RALGAPA2: variants seen among roughly 807,000 people sequenced by gnomAD.
The protein encoded by RALGAPA2 is ral GTPase-activating protein subunit alpha-2.
In RALGAPA2, 139 loss-of-function variants were observed where a neutral mutation model predicts 230.4. The ratio of observed to expected loss-of-function variants is 0.60; its 90% CI spans 0.53 to 0.69. The LOEUF (loss-of-function observed/expected upper bound fraction) is 0.69, where lower values mean the gene tolerates loss of function less well. RALGAPA2 is among the 30% of genes least tolerant of loss of function. RALGAPA2 has a pLI of 0.00. For missense variants in RALGAPA2, 2,163 were observed against 2,276.0 expected (o/e 0.95, Z 1.01); for synonymous variants, 847 against 837.8 (o/e 1.01, Z -0.19).
intron 31 of RALGAPA2, among the ~76,000 whole-genome samples, chr20:20,516,329 C>T (rs1023113596): frequency 6.6e-6 from 1 of 152,190 alleles, no homozygotes; most frequent in African/African-American, 2.4e-5. Context: ...CAGATTACTT[C>T]CCCTAGGCAA....
chr20:20,577,483 G>A (rs944114873), intron 20 of RALGAPA2, among the ~76,000 whole-genome samples: 2 of 152,144 alleles, frequency 1.3e-5, no homozygotes, highest in Non-Finnish European at 2.9e-5. Context: ...CTCAACTCAG[G>A]AGACACATCA....
At chr20:20,672,921 C>T (rs144647983) in intron 3 of RALGAPA2, among the ~76,000 whole-genome samples, 216 of 152,256 alleles carry the variant, frequency 1.4e-3, no homozygotes, top group Middle Eastern at 3.4e-3. Flanking sequence ...CAGTAGCTCA[C>T]GCCTTGTAAT....
In RALGAPA2 at chr20:20,511,279, G is replaced by T. The variant is rs749548399; in HGVS notation, c.4903C>A (p.Leu1635Met). Residue 1635 changes from leucine (L) to methionine (M), a missense_variant, in exon 33 of 40, where the codon CTG becomes ATG. Physicochemically the swap from Leu to Met is conservative, Grantham distance 15 (BLOSUM62 2). Transcript: ENST00000202677. ...LKKNSKLLRE[L>M]KNLDSRQCRE... Reference sequence around the variant, plus strand: ...CACTGGCGGGAGTCCAAATTTTTCAGCTCTCTCAATAATTTTGAATTTTTC... The same window carrying T: ...CACTGGCGGGAGTCCAAATTTTTCATCTCTCTCAATAATTTTGAATTTTTC... The T allele has an allele frequency of 6.4e-7, 1 of 1,569,744 alleles. No individual in the cohort carries two copies. The highest frequency in any genetic ancestry group is 1.2e-5 in the South Asian group (1 of 84,210).
chr20:20,584,573 C>T (rs747721635), intron 19 of RALGAPA2, among the ~76,000 whole-genome samples: 13 of 152,168 alleles, frequency 8.5e-5, no homozygotes, highest in Non-Finnish European at 1.6e-4. Flanking sequence ...TGAGCCCAGT[C>T]ATTCAAAACC....
At chr20:20,546,676 C>T (rs767516829) in intron 24 of RALGAPA2, 28 bp downstream of exon 24, 1 of 1,563,756 alleles carries the variant, frequency 6.4e-7, no homozygotes, top group Non-Finnish European at 8.6e-7. Flanking sequence ...CTCTTGGGAG[C>T]TGGGATGCTG....
chr20:20,604,791 T>C (rs2065768417), intron 15 of RALGAPA2, among the ~76,000 whole-genome samples: 1 of 152,154 alleles, frequency 6.6e-6, no homozygotes, highest in African/African-American at 2.4e-5. Flanking sequence ...AGCCAAAGGA[T>C]TGGACATCCC....
At chr20:20,497,687 C>T (rs760819866) in intron 35 of RALGAPA2, among the ~76,000 whole-genome samples, 4 of 152,178 alleles carry the variant, frequency 2.6e-5, no homozygotes, top group Admixed American at 2.0e-4. Context: ...TACTCAATTA[C>T]ATAACCTAAG....
intron 36 of RALGAPA2, among the ~76,000 whole-genome samples, chr20:20,475,586 G>A (rs2061632272): frequency 6.6e-6 from 1 of 152,048 alleles, no homozygotes; most frequent in Non-Finnish European, 1.5e-5. Context: ...AGGAATAGAA[G>A]GGAAATGCCT....
intron 36 of RALGAPA2, among the ~76,000 whole-genome samples, chr20:20,477,389 A>C (rs1337703331): frequency 2.6e-5 from 4 of 152,212 alleles, no homozygotes; most frequent in Admixed American, 2.6e-4. Context: ...TCCTCAGCCA[A>C]GGATCCACAA....
At chr20:20,499,416 A>T (rs1197324727) in intron 35 of RALGAPA2, among the ~76,000 whole-genome samples, 2 of 152,226 alleles carry the variant, frequency 1.3e-5, no homozygotes, top group Non-Finnish European at 1.5e-5. Flanking sequence ...ATTCTCAGTC[A>T]TAAGAAAATT....
intron 3 of RALGAPA2, among the ~76,000 whole-genome samples, chr20:20,674,067 A>G (rs1460737184): frequency 6.6e-6 from 1 of 151,984 alleles, no homozygotes; most frequent in Non-Finnish European, 1.5e-5. Flanking sequence ...ATCGTGATGC[A>G]CACGTGTAGT....
Position 20,536,809 on chromosome 20 carries a change from C to T in RALGAPA2, c.3286-25G>A, listed in dbSNP as rs780200025. The T allele has an allele frequency of 6.2e-6, 10 of 1,600,302 alleles. No homozygotes were observed. In the East Asian group the frequency reaches 2.0e-4, roughly 32 times the overall value. ...CCTGCACATAAGGAAGAGGAGCACA[C>T]ACATTTCTCTTTTTGTAAGTTAGAA... is the stretch of plus-strand genomic sequence containing the variant. On this transcript the variant is annotated intron_variant, in intron 24 of 39. Coordinates refer to ENST00000202677, the MANE Select transcript of RALGAPA2 (RefSeq NM_020343.4).
chr20:20,586,293 C>T (rs530373824), intron 18 of RALGAPA2, among the ~76,000 whole-genome samples: 1 of 152,182 alleles, frequency 6.6e-6, no homozygotes, highest in Non-Finnish European at 1.5e-5. Context: ...AGGGTAAATC[C>T]AATAGTACCA....
At chr20:20,647,444 T>C (rs1291118932) in intron 4 of RALGAPA2, among the ~76,000 whole-genome samples, 2 of 152,174 alleles carry the variant, frequency 1.3e-5, no homozygotes, top group Non-Finnish European at 2.9e-5. Context: ...GGAACCAGCA[T>C]TCCACTAAAA....
At chr20:20,442,488 G>T (rs905480079) in intron 37 of RALGAPA2, among the ~76,000 whole-genome samples, 1 of 152,188 alleles carries the variant, frequency 6.6e-6, no homozygotes, top group African/African-American at 2.4e-5. Flanking sequence ...AAAACTCAAA[G>T]CAAGCACCAA....
intron 38 of RALGAPA2, among the ~76,000 whole-genome samples, chr20:20,401,915 T>C (rs2059848680): frequency 6.6e-6 from 1 of 152,248 alleles, no homozygotes; most frequent in Non-Finnish European, 1.5e-5. Flanking sequence ...GCATGGTCTT[T>C]GCCACTGTAT....
At chr20:20,645,453 G>A (rs1006158374) in intron 4 of RALGAPA2, among the ~76,000 whole-genome samples, 10 of 151,790 alleles carry the variant, frequency 6.6e-5, no homozygotes, top group Admixed American at 3.9e-4. Flanking sequence ...ACCTATAGAT[G>A]CCTATAACCA....
intron 26 of RALGAPA2, among the ~76,000 whole-genome samples, chr20:20,535,490 T>C (rs1276186373): frequency 1.3e-5 from 2 of 152,250 alleles, no homozygotes; most frequent in African/African-American, 4.8e-5. Flanking sequence ...GATACATGAT[T>C]ATATTTGTAA....
At chr20:20,444,512 A>G (rs2060816008) in intron 37 of RALGAPA2, among the ~76,000 whole-genome samples, 1 of 152,192 alleles carries the variant, frequency 6.6e-6, no homozygotes, top group Non-Finnish European at 1.5e-5. Context: ...AATTTTCACA[A>G]ATTAAACACA....
Sources: allele counts gnomAD v4.1 joint callset (sites outside exome capture counted in the v4.1 genomes callset), GRCh38; gene constraint gnomAD v4.1.1; transcripts MANE v1.5; gene names NCBI Gene and HGNC (gene_info 2026-07-23, HGNC 2026-07-21).